GPHN: variants seen among roughly 807,000 people sequenced by gnomAD.
GPHN encodes the protein gephyrin.
In GPHN, 17 loss-of-function variants were observed where a neutral mutation model predicts 95.5. The observed-to-expected ratio is 0.18, with a 90% confidence interval of 0.12 to 0.27. GPHN has a LOEUF of 0.27. Among genes scored for constraint, GPHN ranks in the 10% least tolerant of loss-of-function variants. The probability of loss-of-function intolerance (pLI) is 1.00; values close to 1 mark genes in which losing one functional copy is unlikely to be tolerated. For synonymous variants in GPHN, 320 were observed against 322.5 expected (o/e 0.99, Z 0.08); for missense variants, 660 against 978.1 (o/e 0.67, Z 4.34).
intron 1 of GPHN, among the ~76,000 whole-genome samples, chr14:66,625,135 C>G (rs1052724772): frequency 6.6e-6 from 1 of 151,940 alleles, no homozygotes; most frequent in Non-Finnish European, 1.5e-5. Context: ...GGTTGCAGTG[C>G]CGTGGTACGA....
the GPHN span, among the ~76,000 whole-genome samples, chr14:67,196,098 G>A: frequency 6.6e-6 from 1 of 152,200 alleles, no homozygotes; most frequent in Admixed American, 6.5e-5. Flanking sequence ...TGTTGTTCCT[G>A]TGCCATCATC....
chr14:67,318,547 T>C, the GPHN span, among the ~76,000 whole-genome samples: 1 of 152,358 alleles, frequency 6.6e-6, no homozygotes. Context: ...ATTAAAATGC[T>C]ACCAGTCTTG....
At chr14:66,925,984 C>T (rs1452440970) in intron 8 of GPHN, among the ~76,000 whole-genome samples, 1 of 152,150 alleles carries the variant, frequency 6.6e-6, no homozygotes, top group Non-Finnish European at 1.5e-5. Flanking sequence ...TTTTGATTTG[C>T]ATTTATCTGA....
At chr14:67,310,030 A>G in the GPHN span, among the ~76,000 whole-genome samples, 3 of 129,940 alleles carry the variant, frequency 2.3e-5, no homozygotes, top group Non-Finnish European at 4.5e-5. Flanking sequence ...AACAGATTCT[A>G]GAAGTATTAT....
chr14:67,309,551 C>T, the GPHN span, among the ~76,000 whole-genome samples: 2 of 152,116 alleles, frequency 1.3e-5, no homozygotes, highest in Admixed American at 6.5e-5. Flanking sequence ...GGGCCCTGTT[C>T]CAAGCCAGTT....
chr14:66,611,530 T>C (rs953688916), intron 1 of GPHN, among the ~76,000 whole-genome samples: 3 of 152,144 alleles, frequency 2.0e-5, no homozygotes, highest in Non-Finnish European at 4.4e-5. Context: ...TAAAACATCA[T>C]CCAAAACTGA....
the GPHN span, among the ~76,000 whole-genome samples, chr14:67,327,246 C>T: frequency 6.6e-6 from 1 of 152,072 alleles, no homozygotes; most frequent in Non-Finnish European, 1.5e-5. Context: ...TTTTTGTAGA[C>T]CTATGTTTTC....
At chr14:67,242,704 G>T in the GPHN span, among the ~76,000 whole-genome samples, 15 of 151,902 alleles carry the variant, frequency 9.9e-5, no homozygotes, top group Non-Finnish European at 2.1e-4. Flanking sequence ...GCGGCAGGAT[G>T]AGCTATTAAA....
intron 13 of GPHN, among the ~76,000 whole-genome samples, chr14:67,108,568 A>G (rs2078174896): frequency 6.6e-6 from 1 of 152,206 alleles, no homozygotes; most frequent in African/African-American, 2.4e-5. Context: ...TGTGGGTTCA[A>G]TAAATATTAG....
intron 2 of GPHN, chr14:66,761,156 A>G (rs1171470025): frequency 3.0e-6 from 1 of 338,248 alleles, no homozygotes; most frequent in Non-Finnish European, 5.7e-6. Context: ...ATTTCCATCT[A>G]CAAAACATCA....
At chr14:66,763,036 G>A (rs970550313) in intron 2 of GPHN, among the ~76,000 whole-genome samples, 5 of 151,898 alleles carry the variant, frequency 3.3e-5, no homozygotes, top group African/African-American at 1.2e-4. Context: ...TTTGGCTAAA[G>A]GCAAATAGTA....
chr14:67,621,051 A>G, the GPHN span: 3 of 1,327,406 alleles, frequency 2.3e-6, no homozygotes, highest in Non-Finnish European at 3.2e-6. Context: ...GGGACTACAC[A>G]GCTTTGTGTT....
At chr14:67,070,795 G>T (rs1476410629) in intron 11 of GPHN, among the ~76,000 whole-genome samples, 2 of 148,136 alleles carry the variant, frequency 1.4e-5, no homozygotes, top group African/African-American at 5.1e-5. Context: ...TCCCACTTGT[G>T]TGCTTTTACC....
the GPHN span, chr14:67,733,776 G>T: frequency 8.1e-6 from 13 of 1,613,474 alleles, no homozygotes; most frequent in Non-Finnish European, 1.1e-5. Flanking sequence ...TGTCTCCAAG[G>T]GCCCGAAATA....
chr14:66,751,818 G>C (rs1207998673), intron 2 of GPHN, among the ~76,000 whole-genome samples: 1 of 152,064 alleles, frequency 6.6e-6, no homozygotes, highest in Non-Finnish European at 1.5e-5. Flanking sequence ...GAGTCAACCT[G>C]TCCTGTGAAG....
the GPHN span, chr14:67,279,233 T>G: frequency 6.2e-7 from 1 of 1,612,854 alleles, no homozygotes; most frequent in East Asian, 2.2e-5. Context: ...TAAAAAATGT[T>G]GATCTTGCAT....
chr14:67,052,352 A>AAAAAAAAAAAAAAAAAAAAAAG, intron 10 of GPHN, among the ~76,000 whole-genome samples: 1 of 151,470 alleles, frequency 6.6e-6, no homozygotes, highest in Non-Finnish European at 1.5e-5. Flanking sequence ...AAAAAAAAAA[A>AAAAAAAAAAAAAAAAAAAAAAG]GATCAAAAAA....
intron 8 of GPHN, among the ~76,000 whole-genome samples, chr14:66,933,354 G>A (rs1369588136): frequency 1.3e-5 from 2 of 152,176 alleles, no homozygotes; most frequent in Non-Finnish European, 2.9e-5. Flanking sequence ...TGTGTTGTCA[G>A]TGTGTCAGAA....
At chr14:66,714,785 C>T (rs1161808516) in intron 2 of GPHN, among the ~76,000 whole-genome samples, 1 of 152,052 alleles carries the variant, frequency 6.6e-6, no homozygotes, top group East Asian at 1.9e-4. Flanking sequence ...CATTTATTGA[C>T]TTGTGTATGT....
Sources: gnomAD v4.1 joint callset for allele counts (sites outside exome capture counted in the v4.1 genomes callset) on GRCh38, gnomAD v4.1.1 for gene constraint, MANE v1.5 for transcripts, NCBI Gene and HGNC (gene_info 2026-07-23, HGNC 2026-07-21) for gene names.